SNAP25: variants seen among roughly 807,000 people sequenced by gnomAD.
The protein encoded by SNAP25 is synaptosome associated protein 25.
Under a neutral mutation model 28.7 loss-of-function variants are expected in SNAP25, and 3 were observed. The ratio of observed to expected loss-of-function variants is 0.10; its 90% CI spans 0.05 to 0.27. The LOEUF (loss-of-function observed/expected upper bound fraction) is 0.27, where lower values mean the gene tolerates loss of function less well. SNAP25 is among the 10% of genes least tolerant of loss of function. SNAP25 has a pLI of 1.00. For synonymous variants in SNAP25, 61 were observed against 88.1 expected (o/e 0.69, Z 1.72); for missense variants, 117 against 278.7 (o/e 0.42, Z 4.13).
chr20:10,290,087 T>C (rs1466373650), intron 4 of SNAP25, among the ~76,000 whole-genome samples: 1 of 152,074 alleles, frequency 6.6e-6, no homozygotes, highest in East Asian at 1.9e-4. Flanking sequence ...CACTGGATGG[T>C]GCGTTGCATC....
intron 1 of SNAP25, among the ~76,000 whole-genome samples, chr20:10,248,137 G>T (rs1217462320): frequency 6.6e-6 from 1 of 152,176 alleles, no homozygotes; most frequent in Non-Finnish European, 1.5e-5. Context: ...AACCTAAAAA[G>T]TTGTTCTCCC....
At chr20:10,295,423 A>G (rs973116258) in intron 5 of SNAP25, among the ~76,000 whole-genome samples, 2 of 152,088 alleles carry the variant, frequency 1.3e-5, no homozygotes, top group Non-Finnish European at 2.9e-5. Context: ...AAAAAGCCAG[A>G]CTCTAAGCCC....
rs2064130201 is a variant in SNAP25 at position 10,297,124 on chromosome 20, T to C, written c.407+74T>C. 4.8e-6 allele frequency: 7 copies of C among 1,446,352 alleles called. No homozygotes were observed. The Admixed American group carries it at 1.3e-4, about 27-fold the overall frequency. 89.6% of individuals were successfully genotyped at this position (1,446,352 alleles called of 1,614,324 possible). On this transcript the variant is annotated intron_variant, in intron 6 of 7. Coordinates refer to ENST00000254976, the MANE Select transcript of SNAP25 (RefSeq NM_130811.4). ...AAACAACTCCAAAACTGAGTGGTTT[T>C]CTAAAAAACAACCATTTTATTGCTC...
chr20:10,256,113 C>T (rs1262692276), intron 1 of SNAP25, among the ~76,000 whole-genome samples: 2 of 152,098 alleles, frequency 1.3e-5, no homozygotes, highest in Non-Finnish European at 2.9e-5. Context: ...TTTTTCAACA[C>T]CTAAGTGTTC....
intron 1 of SNAP25, among the ~76,000 whole-genome samples, chr20:10,233,961 A>G (rs964133587): frequency 5.9e-5 from 9 of 152,106 alleles, no homozygotes; most frequent in African/African-American, 9.7e-5. Context: ...ATTTTGGCCC[A>G]ATGGATCACA....
At chr20:10,286,198 C>T (rs1185156088) in intron 4 of SNAP25, among the ~76,000 whole-genome samples, 1 of 152,052 alleles carries the variant, frequency 6.6e-6, no homozygotes. Context: ...AATTGTTCTG[C>T]CACCAATATA....
At chr20:10,224,255 G>GTTTTTTTT (rs1438577018) in intron 1 of SNAP25, among the ~76,000 whole-genome samples, 5 of 24,030 alleles carry the variant, frequency 2.1e-4, no homozygotes, top group Non-Finnish European at 3.5e-4. Context: ...GAATGTACAT[G>GTTTTTTTT]TCTTTTTTTT....
intron 1 of SNAP25, among the ~76,000 whole-genome samples, chr20:10,226,164 G>A (rs1340328837): frequency 6.6e-6 from 1 of 152,144 alleles, no homozygotes; most frequent in African/African-American, 2.4e-5. Flanking sequence ...TGGCAGCTAG[G>A]TATAGGTAAA....
chr20:10,296,850 CT>C, intron 5 of SNAP25, 74 bp from the exon 6 acceptor site: 1 of 1,601,164 alleles, frequency 6.2e-7, no homozygotes, highest in Non-Finnish European at 8.5e-7. Flanking sequence ...CGATTCTTCG[CT>C]TGAAGAAGTG....
chr20:10,252,549 T>C (rs55863717), intron 1 of SNAP25, among the ~76,000 whole-genome samples: 4,624 of 152,298 alleles, frequency 0.03, 183 homozygotes, highest in African/African-American at 0.089. Context: ...ACTTTTATTG[T>C]AGTGATGGTT....
chr20:10,298,755 G>A (rs950855056), intron 6 of SNAP25, among the ~76,000 whole-genome samples: 8 of 152,102 alleles, frequency 5.3e-5, no homozygotes, highest in Admixed American at 2.6e-4. Flanking sequence ...TCCCATTGGT[G>A]TCAATCCCAA....
chr20:10,296,664 C>A, intron 5 of SNAP25: 1 of 441,276 alleles, frequency 2.3e-6, no homozygotes. Context: ...AACTAAACCA[C>A]AAAACAAACC....
intron 1 of SNAP25, among the ~76,000 whole-genome samples, chr20:10,268,322 T>C (rs766371901): frequency 7.2e-5 from 11 of 152,228 alleles, no homozygotes; most frequent in Non-Finnish European, 1.3e-4. Flanking sequence ...ATACAAATGA[T>C]GAACAGTGTG....
rs71332917 is a variant in SNAP25 at position 10,224,257 on chromosome 20, C to CTTTTTTTTTTT, written c.-64+5305_-64+5315dup. Among the ~76,000 whole-genome samples, 31 of 17,432 alleles carry CTTTTTTTTTTT rather than the reference C, an allele frequency of 1.8e-3. 7 individuals are homozygous for CTTTTTTTTTTT. The highest frequency in any genetic ancestry group is 2.7e-3 in the African/African-American group (10 of 3,698). 11.4% of individuals were successfully genotyped at this position (17,432 alleles called of 152,430 possible). A position where few individuals can be genotyped will look rare whatever the true frequency, so the allele number is the denominator to read the frequency against. On this transcript the variant is annotated intron_variant, in intron 1 of 7. Transcript: ENST00000254976. Reference sequence around the variant, plus strand: ...AATAAGGCATAGAGAATGTACATGTCTTTTTTTTTTTTTTTTTTTTTTTTT... The same window carrying CTTTTTTTTTTT: ...AATAAGGCATAGAGAATGTACATGTCTTTTTTTTTTTTTTTTTTTTTTTTTTTTTTTTTTTT...
At chr20:10,265,959 AC>A (rs2063499671) in intron 1 of SNAP25, among the ~76,000 whole-genome samples, 1 of 152,222 alleles carries the variant, frequency 6.6e-6, no homozygotes, top group African/African-American at 2.4e-5. Flanking sequence ...CATTTGGAGT[AC>A]CAAAGGTTTG....
rs7264231 is a variant in SNAP25 at position 10,254,495 on chromosome 20, A to G, written c.-63-20934A>G. Among the ~76,000 whole-genome samples the G allele has an allele frequency of 6.0e-3, 911 of 152,288 alleles. 10 individuals carry two copies. The highest frequency in any genetic ancestry group is 0.021 in the African/African-American group (859 of 41,562). On this transcript the variant is annotated intron_variant, in intron 1 of 7. Coordinates refer to ENST00000254976, the MANE Select transcript of SNAP25 (RefSeq NM_130811.4). ...CTCTTAGCTCAGGGTTGGCTCTTAG[A>G]AGCAGCAAACCCAGGAGGAGCTCCT...
intron 1 of SNAP25, among the ~76,000 whole-genome samples, chr20:10,234,755 A>G (rs1364553666): frequency 2.0e-5 from 3 of 152,188 alleles, no homozygotes; most frequent in African/African-American, 7.2e-5. Context: ...TAAATAGACT[A>G]TGGCTTTTGA....
intron 1 of SNAP25, among the ~76,000 whole-genome samples, chr20:10,256,517 T>C (rs1398353621): frequency 6.6e-6 from 1 of 152,074 alleles, no homozygotes; most frequent in Non-Finnish European, 1.5e-5. Context: ...TGCAAACATT[T>C]TACAGATAAA....
chr20:10,246,284 C>T (rs2063125604), intron 1 of SNAP25, among the ~76,000 whole-genome samples: 3 of 152,040 alleles, frequency 2.0e-5, no homozygotes, highest in South Asian at 2.1e-4. Flanking sequence ...CATTCGTGTG[C>T]GAGCGCATCC....
Sources: allele counts gnomAD v4.1 joint callset (sites outside exome capture counted in the v4.1 genomes callset), GRCh38; gene constraint gnomAD v4.1.1; transcripts MANE v1.5; gene names NCBI Gene and HGNC (gene_info 2026-07-23, HGNC 2026-07-21).